LSAMP: variants seen among roughly 807,000 people sequenced by gnomAD.
LSAMP encodes limbic system-associated membrane protein.
In LSAMP, 7 loss-of-function variants were observed where a neutral mutation model predicts 38.6. The observed-to-expected ratio is 0.18, with a 90% confidence interval of 0.10 to 0.34. The LOEUF is 0.34. Among genes scored for constraint, LSAMP ranks in the 10% least tolerant of loss-of-function variants. LSAMP has a pLI of 1.00. For missense variants in LSAMP, 313 were observed against 420.0 expected (o/e 0.75, Z 2.23); for synonymous variants, 154 against 166.8 (o/e 0.92, Z 0.59).
intron 1 of LSAMP, among the ~76,000 whole-genome samples, chr3:116,245,218 G>A (rs931330307): frequency 2.0e-5 from 3 of 152,104 alleles, no homozygotes; most frequent in African/African-American, 7.2e-5. Context: ...GGGAGAAGAT[G>A]ACCACCTGCA....
Position 116,312,877 on chromosome 3 carries a change from T to C in LSAMP, c.155+132000A>G, listed in dbSNP as rs923346573. On this transcript the variant is annotated intron_variant, in intron 1 of 6. Transcript: ENST00000490035. The stretch of plus-strand genomic sequence containing the variant: ...GTTTCTGTGTGTGTGTGTCTTCATC[T>C]GTAGACACATATCTTACTCACAAAA... 1.4e-4 allele frequency among the ~76,000 whole-genome samples: 21 copies of C among 152,210 alleles called. 1 individual carries two copies. Among genetic ancestry groups the C allele is most frequent in the African/African-American group, 4.6e-4 (19 of 41,446 alleles).
At chr3:116,410,022 T>G (rs2048950286) in intron 1 of LSAMP, among the ~76,000 whole-genome samples, 1 of 152,056 alleles carries the variant, frequency 6.6e-6, no homozygotes, top group Non-Finnish European at 1.5e-5. Context: ...CTTAAGTGTT[T>G]TGTTTGTTTG....
intron 1 of LSAMP, among the ~76,000 whole-genome samples, chr3:116,177,617 T>C (rs891822922): frequency 1.3e-5 from 2 of 152,226 alleles, no homozygotes; most frequent in Non-Finnish European, 2.9e-5. Context: ...AAAATAATTC[T>C]TTTAAAATTA....
At chr3:116,111,292 T>C (rs868833711) in intron 1 of LSAMP, among the ~76,000 whole-genome samples, 2 of 152,162 alleles carry the variant, frequency 1.3e-5, no homozygotes, top group Non-Finnish European at 2.9e-5. Context: ...ACTGCCAGAA[T>C]CAAACAGGCA....
chr3:116,174,867 T>A (rs1346646285), intron 1 of LSAMP, among the ~76,000 whole-genome samples: 5 of 152,130 alleles, frequency 3.3e-5, no homozygotes, highest in Admixed American at 3.3e-4. Flanking sequence ...TTTTCCATCC[T>A]TGTCTTTGAA....
intron 2 of LSAMP, among the ~76,000 whole-genome samples, chr3:116,078,627 T>C (rs575718735): frequency 7.0e-4 from 107 of 152,304 alleles, no homozygotes; most frequent in Admixed American, 6.1e-3. Flanking sequence ...CACCCGGCCC[T>C]ATCCTCTTTA....
chr3:116,378,416 G>C (rs2048518506), intron 1 of LSAMP, among the ~76,000 whole-genome samples: 1 of 152,044 alleles, frequency 6.6e-6, no homozygotes, highest in Non-Finnish European at 1.5e-5. Flanking sequence ...TCTTTCTTTT[G>C]TAGGTATGAA....
intron 4 of LSAMP, among the ~76,000 whole-genome samples, chr3:115,850,573 AC>A (rs903864684): frequency 1.3e-5 from 2 of 152,204 alleles, no homozygotes; most frequent in Admixed American, 6.6e-5. Flanking sequence ...TGTCTTTGAA[AC>A]ACACCCAACA....
intron 1 of LSAMP, among the ~76,000 whole-genome samples, chr3:116,095,045 TTTCTC>T (rs1708196894): frequency 1.3e-5 from 2 of 152,336 alleles, no homozygotes; most frequent in Middle Eastern, 3.4e-3. Context: ...AAAACATTGA[TTTCTC>T]TAATCACATT....
intron 3 of LSAMP, among the ~76,000 whole-genome samples, chr3:115,994,134 G>A (rs531024064): frequency 1.8e-4 from 28 of 152,216 alleles, no homozygotes; most frequent in South Asian, 6.2e-4. Flanking sequence ...CAGCAATGAA[G>A]AGAGTGACTT....
chr3:116,392,418 T>C (rs1460248791), intron 1 of LSAMP, among the ~76,000 whole-genome samples: 1 of 152,198 alleles, frequency 6.6e-6, no homozygotes, highest in Non-Finnish European at 1.5e-5. Flanking sequence ...GGTGCTGCTG[T>C]CACAGCCCAG....
chr3:116,434,940 T>C (rs554945735), intron 1 of LSAMP, among the ~76,000 whole-genome samples: 1 of 152,314 alleles, frequency 6.6e-6, no homozygotes, highest in East Asian at 1.9e-4. Context: ...GCATAGGTCA[T>C]CTCAGGTCCT....
At chr3:116,115,326 T>C (rs1355179413) in intron 1 of LSAMP, among the ~76,000 whole-genome samples, 1 of 152,256 alleles carries the variant, frequency 6.6e-6, no homozygotes, top group Non-Finnish European at 1.5e-5. Context: ...CAACAGCCTA[T>C]GTAATGTAGG....
chr3:116,035,870 A>T (rs1941033962), intron 2 of LSAMP, among the ~76,000 whole-genome samples: 1 of 152,220 alleles, frequency 6.6e-6, no homozygotes, highest in African/African-American at 2.4e-5. Flanking sequence ...GACATTCTCC[A>T]ACCTCTTGGG....
intron 1 of LSAMP, among the ~76,000 whole-genome samples, chr3:116,132,935 C>A (rs80170505): frequency 2.0e-5 from 3 of 152,026 alleles, no homozygotes; most frequent in Non-Finnish European, 4.4e-5. Flanking sequence ...ACACCTCTTC[C>A]GTGTTGTTAT....
chr3:115,960,366 T>C (rs1938586078), intron 3 of LSAMP, among the ~76,000 whole-genome samples: 1 of 152,196 alleles, frequency 6.6e-6, no homozygotes, highest in African/African-American at 2.4e-5. Flanking sequence ...AGCCACCCAG[T>C]CTGCGCTATT....
At chr3:116,398,705 T>A (rs1271430391) in intron 1 of LSAMP, among the ~76,000 whole-genome samples, 1 of 152,210 alleles carries the variant, frequency 6.6e-6, no homozygotes, top group Non-Finnish European at 1.5e-5. Context: ...AGAAAATAAG[T>A]GTCTTGAATA....
intron 1 of LSAMP, among the ~76,000 whole-genome samples, chr3:116,217,854 A>C (rs1405760922): frequency 6.6e-6 from 1 of 152,188 alleles, no homozygotes; most frequent in Non-Finnish European, 1.5e-5. Context: ...GGAGGTGTAG[A>C]GGGGACCATG....
intron 1 of LSAMP, among the ~76,000 whole-genome samples, chr3:116,321,155 G>A (rs1358064949): frequency 2.6e-5 from 4 of 152,180 alleles, no homozygotes; most frequent in African/African-American, 9.7e-5. Context: ...GATCACTTGA[G>A]CCTAGGAGTT....
Sources: gnomAD v4.1 joint callset for allele counts (sites outside exome capture counted in the v4.1 genomes callset) on GRCh38, gnomAD v4.1.1 for gene constraint, MANE v1.5 for transcripts, NCBI Gene and HGNC (gene_info 2026-07-23, HGNC 2026-07-21) for gene names.